RIMBP2: variants seen among roughly 807,000 people sequenced by gnomAD.
RIMBP2 encodes RIMS-binding protein 2.
A neutral mutation model predicts 118.6 loss-of-function variants in RIMBP2; 48 were observed. The observed-to-expected ratio is 0.40, with a 90% CI of 0.32 to 0.51. RIMBP2 has a LOEUF of 0.51. Among genes scored for constraint, RIMBP2 ranks in the 20% least tolerant of loss-of-function variants. RIMBP2 has a pLI of 0.41. For synonymous variants in RIMBP2, 762 were observed against 742.9 expected (o/e 1.03, Z -0.42); for missense variants, 1,551 against 1,768.3 (o/e 0.88, Z 2.20).
At chr12:130,499,462 T>A (rs1345487178) in intron 4 of RIMBP2, among the ~76,000 whole-genome samples, 1 of 152,188 alleles carries the variant, frequency 6.6e-6, no homozygotes, top group African/African-American at 2.4e-5. Context: ...TGGCTTCCCA[T>A]CTCGCTCAGG....
intron 4 of RIMBP2, among the ~76,000 whole-genome samples, chr12:130,505,165 C>T (rs184515006): frequency 2.3e-3 from 352 of 152,282 alleles, no homozygotes; most frequent in African/African-American, 8.0e-3. Flanking sequence ...ATCCTGAAAA[C>T]TTAGAGCACA....
At chr12:130,662,792 C>T (rs926586253) in intron 1 of RIMBP2, among the ~76,000 whole-genome samples, 53 of 152,032 alleles carry the variant, frequency 3.5e-4, no homozygotes, top group African/African-American at 1.3e-3. Flanking sequence ...CCCATCTCTA[C>T]CCCACAAAGA....
chr12:130,438,351 C>CCA lies in RIMBP2; in HGVS notation c.1656+13_1656+14insTG. On this transcript the variant is annotated intron_variant, in intron 12 of 22. Transcript: ENST00000690449. ...GCCTAACAAACCCTCCCCACCCACC[C>CCA]AACGAAAACTCACCCTCTGCCCTTT... 2.5e-6 allele frequency: 4 copies of CCA among 1,589,892 alleles called. No homozygotes were observed. The highest frequency in any genetic ancestry group is 1.3e-5 in the African/African-American group (1 of 74,656).
chr12:130,636,187 G>A (rs1320585194), intron 1 of RIMBP2, among the ~76,000 whole-genome samples: 6 of 152,044 alleles, frequency 3.9e-5, no homozygotes, highest in Non-Finnish European at 7.4e-5. Context: ...TCCTTGTCCC[G>A]ACATGGCTGG....
intron 2 of RIMBP2, among the ~76,000 whole-genome samples, chr12:130,535,743 A>ATATATG (rs1218707933): frequency 1.1e-4 from 2 of 18,426 alleles, no homozygotes; most frequent in Non-Finnish European, 3.2e-4. Context: ...ATATACATAT[A>ATATATG]TATATATATA....
chr12:130,590,633 T>C (rs2059197800), intron 2 of RIMBP2, among the ~76,000 whole-genome samples: 1 of 152,184 alleles, frequency 6.6e-6, no homozygotes, highest in Non-Finnish European at 1.5e-5. Context: ...CTGCACTAGG[T>C]GGCAGGTGGA....
intron 1 of RIMBP2, among the ~76,000 whole-genome samples, chr12:130,691,950 C>T (rs947021572): frequency 2.0e-5 from 3 of 152,106 alleles, no homozygotes; most frequent in African/African-American, 4.8e-5. Flanking sequence ...CGAGGAGAAG[C>T]GGATACAGTC....
rs1017240040 is a variant in RIMBP2, at chr12:130,581,481, C to A, written c.-217+46841G>T. On this transcript the variant is annotated intron_variant, in intron 2 of 22. Coordinates refer to ENST00000690449, the MANE Select transcript of RIMBP2 (RefSeq NM_001393629.1). The surrounding 1 kb of genome is among the most constrained non-coding windows in gnomAD (Gnocchi z 4.4). ...CCACCCAGCCTGTCCCAGTGGAGGT[C>A]TCAGAGGCATCATAAGAGCATCCAG... is the stretch of plus-strand genomic sequence containing the variant. 6.6e-6 allele frequency among the ~76,000 whole-genome samples: 1 copy of A among 152,220 alleles called. No homozygotes were observed. Among genetic ancestry groups the A allele is most frequent in the African/African-American group, 2.4e-5 (1 of 41,456 alleles).
chr12:130,667,148 GAGGA>G (rs1274264045), intron 1 of RIMBP2: 3 of 58,528 alleles, frequency 5.1e-5, no homozygotes, highest in East Asian at 9.9e-4. Flanking sequence ...GGAGGGAAGG[GAGGA>G]AGGGAGGGAA....
rs538153600 is a variant in RIMBP2 at position 130,413,973 on chromosome 12, G to A, written c.3420+152C>T. 1.4e-4 allele frequency: 114 copies of A among 830,618 alleles called. 1 individual carries two copies. Among genetic ancestry groups the A allele is most frequent in the African/African-American group, 2.7e-4 (16 of 58,914 alleles). 51.5% of individuals were successfully genotyped at this position (830,618 alleles called of 1,614,324 possible). A position where few individuals can be genotyped will look rare whatever the true frequency, so the allele number is the denominator to read the frequency against. On this transcript the variant is annotated intron_variant, in intron 18 of 22. Coordinates refer to ENST00000690449, the MANE Select transcript of RIMBP2 (RefSeq NM_001393629.1). ...CTTTGCAGAGGGCAGGGCCCTTGCC[G>A]TCACAGCACCATGCCACCTCCTCCC...
At chr12:130,561,198 T>A (rs2056796061) in intron 2 of RIMBP2, among the ~76,000 whole-genome samples, 2 of 152,188 alleles carry the variant, frequency 1.3e-5, no homozygotes, top group Non-Finnish European at 2.9e-5. Flanking sequence ...AACACCTTGA[T>A]CTCGGATTTC....
intron 19 of RIMBP2, among the ~76,000 whole-genome samples, chr12:130,409,978 T>C (rs1296707037): frequency 6.6e-6 from 1 of 152,246 alleles, no homozygotes; most frequent in Non-Finnish European, 1.5e-5. Context: ...GCGAACTGTT[T>C]TGCAGAGCGG....
At chr12:130,689,172 G>A (rs1003505561) in intron 1 of RIMBP2, among the ~76,000 whole-genome samples, 5 of 152,180 alleles carry the variant, frequency 3.3e-5, no homozygotes, top group African/African-American at 1.2e-4. Flanking sequence ...TCCTGGGCCG[G>A]GCACAGTGGC....
chr12:130,666,850 G>A (rs2063939790), intron 1 of RIMBP2, among the ~76,000 whole-genome samples: 1 of 139,712 alleles, frequency 7.2e-6, no homozygotes, highest in African/African-American at 2.7e-5. Flanking sequence ...AGAGAATGGA[G>A]GGAGGAAAGG....
intron 2 of RIMBP2, among the ~76,000 whole-genome samples, chr12:130,606,667 A>T (rs73156966): frequency 0.071 from 10,885 of 152,256 alleles, 403 homozygotes; most frequent in Non-Finnish European, 0.079. Flanking sequence ...TGTTGGAGCA[A>T]GCGGTAGAGA....
chr12:130,467,287 C>A (rs1459169495), intron 6 of RIMBP2, among the ~76,000 whole-genome samples: 1 of 152,232 alleles, frequency 6.6e-6, no homozygotes, highest in Non-Finnish European at 1.5e-5. Flanking sequence ...CTGAAAGATT[C>A]TGACCCTCCC....
intron 2 of RIMBP2, among the ~76,000 whole-genome samples, chr12:130,560,383 T>C (rs534748419): frequency 1.8e-4 from 28 of 152,264 alleles, no homozygotes; most frequent in African/African-American, 6.0e-4. Flanking sequence ...TGGAAGATTC[T>C]TTGCTGTGGG....
intron 2 of RIMBP2, among the ~76,000 whole-genome samples, chr12:130,530,315 T>A (rs751218386): frequency 2.0e-5 from 3 of 152,214 alleles, no homozygotes; most frequent in African/African-American, 4.8e-5. Flanking sequence ...TGGTATAATG[T>A]GTTGACTTTA....
intron 1 of RIMBP2, among the ~76,000 whole-genome samples, chr12:130,675,082 T>A (rs1315119341): frequency 2.0e-5 from 3 of 152,140 alleles, no homozygotes; most frequent in Non-Finnish European, 2.9e-5. Context: ...GCATCCTTGA[T>A]CCAAAGACAC....
Sources: gnomAD v4.1 joint callset for allele counts (sites outside exome capture counted in the v4.1 genomes callset) on GRCh38, gnomAD v4.1.1 for gene constraint, Gnocchi (gnomAD v3.1) non-coding constraint, MANE v1.5 for transcripts, NCBI Gene and HGNC (gene_info 2026-07-23, HGNC 2026-07-21) for gene names.